GKN1: variants seen among roughly 807,000 people sequenced by gnomAD.
GKN1 encodes the protein gastrokine 1, also known as gastrokine-1.
Under a neutral mutation model 19.7 loss-of-function variants are expected in GKN1, and 17 were observed. That is an observed-to-expected ratio of 0.86 (90% CI 0.59 to 1.29). GKN1 has a LOEUF of 1.29. Ranked by LOEUF, GKN1 falls within the 50% of genes most tolerant of loss-of-function variation. The pLI is 0.00. For synonymous variants in GKN1, 96 were observed against 78.3 expected, an observed-to-expected ratio of 1.23 and a Z score of -1.20; for missense variants, 218 against 224.5, an observed-to-expected ratio of 0.97 and a Z score of 0.19.
At position 68,977,549 on chromosome 2, in the gene GKN1, G is replaced by T; in HGVS notation, c.66+1G>T. On this transcript the variant is annotated splice_donor_variant, in intron 2 of 5. Transcript: ENST00000377938. LOFTEE classifies it high-confidence loss of function. ...TCTAGCTCCTGCCCTAGCTAACTAT[G>T]TAAGTCTCACCTTTTCAAGTTTGCT... The T allele has an allele frequency of 6.2e-7, 1 of 1,608,484 alleles. No individual in the cohort carries two copies. Among genetic ancestry groups the T allele is most frequent in the Non-Finnish European group, 8.5e-7 (1 of 1,175,030 alleles).
At chr2:68,976,339 T>C (rs1195843237) in intron 1 of GKN1, among the ~76,000 whole-genome samples, 1 of 152,218 alleles carries the variant, frequency 6.6e-6, no homozygotes, top group Non-Finnish European at 1.5e-5. Flanking sequence ...ATAAGATAGT[T>C]TGCTTTATTT....
chr2:68,979,680 C>A (rs1223930932), intron 4 of GKN1, among the ~76,000 whole-genome samples: 1 of 152,198 alleles, frequency 6.6e-6, no homozygotes, highest in Non-Finnish European at 1.5e-5. Flanking sequence ...AAGCCTCAGA[C>A]TTCTGTGTTT....
Position 68,977,775 on chromosome 2 carries a change from G to A in GKN1, c.204+1G>A. On this transcript the variant is annotated splice_donor_variant, in intron 3 of 5. Coordinates refer to ENST00000377938, the MANE Select transcript of GKN1 (RefSeq NM_019617.4). LOFTEE classifies it high-confidence loss of function. The stretch of plus-strand genomic sequence containing the variant: ...GAATTCCATCTGGGATTATGGAAAT[G>A]TAGGTAGTCAACGTGCAATTTTCAC... 5.0e-6 allele frequency: 8 copies of A among 1,605,518 alleles called. No individual in the cohort carries two copies. The highest frequency in any genetic ancestry group is 1.3e-5 in the African/African-American group (1 of 74,876).
In GKN1 at chr2:68,978,032, T is replaced by C. The variant is rs1670290992; in HGVS notation, c.204+258T>C. The stretch of plus-strand genomic sequence containing the variant: ...AGGGATTGTGGGTATATACAACAAA[T>C]ATGAACATCCTTTTGCCTTGCCTGC... On this transcript the variant is annotated intron_variant, in intron 3 of 5. Transcript: ENST00000377938. 6.6e-6 allele frequency: 3 copies of C among 451,132 alleles called. No individual in the cohort carries two copies. In the South Asian group the frequency reaches 8.5e-5, roughly 13 times the overall value. The allele number at this position is 451,132 out of a possible 1,614,324, so 27.9% of individuals were successfully genotyped here. A position where few individuals can be genotyped will look rare whatever the true frequency, so the allele number is the denominator to read the frequency against.
At chr2:68,979,649 G>A (rs1215749943) in intron 4 of GKN1, among the ~76,000 whole-genome samples, 2 of 152,178 alleles carry the variant, frequency 1.3e-5, no homozygotes, top group Non-Finnish European at 2.9e-5. Context: ...ACCAAATGAG[G>A]TCCAAGTTGC....
intron 3 of GKN1, 180 bp downstream of exon 3, chr2:68,977,954 T>C (rs1312178003): frequency 8.4e-6 from 5 of 592,904 alleles, no homozygotes; most frequent in Non-Finnish European, 1.2e-5. Flanking sequence ...ATAACTACTG[T>C]TAATAAGTGT....
Position 68,977,625 on chromosome 2 carries a change from T to G in GKN1, c.67-12T>G. On this transcript the variant is annotated splice_polypyrimidine_tract_variant and intron_variant, in intron 2 of 5. Coordinates refer to ENST00000377938, the MANE Select transcript of GKN1 (RefSeq NM_019617.4). ...TGATATTAAATCACTCTCAATCTCT[T>G]ATAAACTTCAGAATATCAACGTCAA... is the stretch of plus-strand genomic sequence containing the variant. 6.2e-7 allele frequency: 1 copy of G among 1,610,092 alleles called. No homozygotes were observed. The highest frequency in any genetic ancestry group is 1.3e-5 in the African/African-American group (1 of 74,926).
At chr2:68,980,482 A>G (rs1184596055) in intron 5 of GKN1, among the ~76,000 whole-genome samples, 1 of 152,230 alleles carries the variant, frequency 6.6e-6, no homozygotes, top group African/African-American at 2.4e-5. Flanking sequence ...TTAACTTTCT[A>G]TAGCTCAGAC....
At chr2:68,980,101 T>C (rs778603502) in intron 5 of GKN1, 41 bp downstream of exon 5, 69 of 1,584,730 alleles carry the variant, frequency 4.4e-5, no homozygotes, top group Non-Finnish European at 5.8e-5. Context: ...TTAGTGCTGG[T>C]GGGATTGTCA....
intron 3 of GKN1, among the ~76,000 whole-genome samples, chr2:68,978,444 A>G (rs934449975): frequency 1.3e-5 from 2 of 152,140 alleles, no homozygotes; most frequent in South Asian, 2.1e-4. Flanking sequence ...TATCAGCTAT[A>G]TATTTAACAA....
intron 3 of GKN1, 37 bp from the exon 4 acceptor site, chr2:68,978,834 G>A: frequency 8.7e-7 from 1 of 1,144,526 alleles, no homozygotes; most frequent in Non-Finnish European, 1.3e-6. Context: ...GCTCCTCGGA[G>A]AACACATGCC....
rs143595030 is a variant in GKN1, at chr2:68,980,772, T to C, written c.507T>C (p.Ser169=). The part of the protein sequence containing the change: ...FFYSGTCYTT[S]VLWIVDISFC... ...ACTCAGGAACGTGCTACACGACCAG[T>C]GTACTATGGATTGTGGACATTTCCT... The change falls in exon 6 of 6, where the codon AGT becomes AGC. Residue 169 remains serine, a synonymous_variant. Coordinates refer to ENST00000377938, the MANE Select transcript of GKN1 (RefSeq NM_019617.4). 1,063 of 1,600,144 alleles carry C rather than the reference T, an allele frequency of 6.6e-4. 1 individual carries two copies. The highest frequency in any genetic ancestry group is 8.7e-4 in the Non-Finnish European group (1,019 of 1,167,314).
intron 3 of GKN1, among the ~76,000 whole-genome samples, chr2:68,978,271 G>GGAAGGAAAGAAAGAAAGAAAGAAAGAAA (rs1670300286): frequency 1.1e-4 from 10 of 87,226 alleles, no homozygotes; most frequent in African/African-American, 6.4e-4. Flanking sequence ...AAGGAAGGAA[G>GGAAGGAAAGAAAGAAAGAAAGAAAGAAA]GAAAGAAAGA....
chr2:68,977,609 A>G, intron 2 of GKN1, 28 bp from the exon 3 acceptor site: 1 of 1,600,966 alleles, frequency 6.2e-7, no homozygotes, highest in Non-Finnish European at 8.6e-7. Context: ...GTGATATTAA[A>G]TCACTCTCAA....
At chr2:68,979,205 T>A (rs1448385006) in intron 4 of GKN1, among the ~76,000 whole-genome samples, 1 of 152,296 alleles carries the variant, frequency 6.6e-6, no homozygotes, top group East Asian at 1.9e-4. Context: ...CTTGAAACCT[T>A]GACTGTTAGA....
chr2:68,978,824 G>A (rs759162116), intron 3 of GKN1, 47 bp from the exon 4 acceptor site: 1 of 1,027,172 alleles, frequency 9.7e-7, no homozygotes, highest in South Asian at 1.4e-5. Context: ...GATAAGAAAA[G>A]CTCCTCGGAG....
At chr2:68,977,100 T>C (rs1296634706) in intron 1 of GKN1, among the ~76,000 whole-genome samples, 1 of 152,160 alleles carries the variant, frequency 6.6e-6, no homozygotes, top group African/African-American at 2.4e-5. Flanking sequence ...TTCTGGGTTT[T>C]ACTTTAAAAG....
At chr2:68,977,991 A>C in intron 3 of GKN1, 1 of 550,036 alleles carries the variant, frequency 1.8e-6, no homozygotes, top group East Asian at 3.1e-5. Context: ...ATTCAAACCA[A>C]CAAACACTAT....
At chr2:68,979,078 T>A in intron 4 of GKN1, 97 bp downstream of exon 4, 1 of 663,638 alleles carries the variant, frequency 1.5e-6, no homozygotes, top group Non-Finnish European at 2.7e-6. Flanking sequence ...TTGACTACAG[T>A]ATGTTGTAGT....
Sources: allele counts gnomAD v4.1 joint callset (sites outside exome capture counted in the v4.1 genomes callset), GRCh38; gene constraint gnomAD v4.1.1; transcripts MANE v1.5; gene names NCBI Gene and HGNC (gene_info 2026-07-23, HGNC 2026-07-21).